The following BNC2 variants were observed in gnomAD, a reference collection of about 807,000 sequenced individuals.
BNC2 encodes zinc finger protein basonuclin-2.
BNC2 carries 20 observed loss-of-function variants against 76.3 expected under a neutral mutation model. The ratio of observed to expected loss-of-function variants is 0.26; its 90% CI spans 0.18 to 0.38. The LOEUF is 0.38. BNC2 is among the 10% of genes least tolerant of loss of function. BNC2 has a pLI of 1.00. For synonymous variants in BNC2, 582 were observed against 514.8 expected (o/e 1.13, Z -1.77); for missense variants, 1,382 against 1,399.8 (o/e 0.99, Z 0.20).
At chr9:16,568,953 T>C (rs1269449482) in intron 4 of BNC2, among the ~76,000 whole-genome samples, 1 of 151,850 alleles carries the variant, frequency 6.6e-6, no homozygotes, top group Non-Finnish European at 1.5e-5. Context: ...TAACTGTAAC[T>C]GTCAAGGTTG....
At chr9:16,840,389 G>T (rs1367040677) in intron 1 of BNC2, among the ~76,000 whole-genome samples, 1 of 152,184 alleles carries the variant, frequency 6.6e-6, no homozygotes, top group African/African-American at 2.4e-5. Flanking sequence ...TATCCACGCA[G>T]TTAATGAATG....
intron 3 of BNC2, among the ~76,000 whole-genome samples, chr9:16,653,570 G>A (rs1211523478): frequency 6.6e-6 from 1 of 152,068 alleles, no homozygotes; most frequent in Non-Finnish European, 1.5e-5. Context: ...CTGGGGGCCT[G>A]GCGGGGGAAG....
intron 5 of BNC2, among the ~76,000 whole-genome samples, chr9:16,511,767 G>A (rs1822762573): frequency 6.6e-6 from 1 of 152,036 alleles, no homozygotes; most frequent in Non-Finnish European, 1.5e-5. Flanking sequence ...AGGGGCAGAA[G>A]AATAAAGACC....
intron 1 of BNC2, among the ~76,000 whole-genome samples, chr9:16,821,706 G>A (rs200174954): frequency 1.6e-4 from 25 of 151,932 alleles, no homozygotes; most frequent in Non-Finnish European, 3.1e-4. Flanking sequence ...CCAGCACTTT[G>A]GGGAGGCTGA....
At chr9:16,622,914 C>T (rs1051722874) in intron 3 of BNC2, among the ~76,000 whole-genome samples, 2 of 152,042 alleles carry the variant, frequency 1.3e-5, no homozygotes, top group African/African-American at 2.4e-5. Context: ...TGTTAAAAAA[C>T]GATGAACAAC....
intron 3 of BNC2, among the ~76,000 whole-genome samples, chr9:16,713,117 T>C (rs1823897473): frequency 6.6e-6 from 1 of 152,222 alleles, no homozygotes; most frequent in African/African-American, 2.4e-5. Context: ...TAGGACAGCA[T>C]TAGCAATTTT....
chr9:16,521,041 C>T (rs1817601807), intron 5 of BNC2, among the ~76,000 whole-genome samples: 1 of 152,074 alleles, frequency 6.6e-6, no homozygotes, highest in African/African-American at 2.4e-5. Flanking sequence ...CATCCCCACA[C>T]CATGGAGCAA....
At chr9:16,483,280 C>CA (rs1822097352) in intron 5 of BNC2, among the ~76,000 whole-genome samples, 1 of 152,238 alleles carries the variant, frequency 6.6e-6, no homozygotes, top group East Asian at 1.9e-4. Flanking sequence ...CTGATACAAG[C>CA]AACTGACCAT....
At chr9:16,824,039 G>C (rs1233560803) in intron 1 of BNC2, among the ~76,000 whole-genome samples, 1 of 152,216 alleles carries the variant, frequency 6.6e-6, no homozygotes, top group Non-Finnish European at 1.5e-5. Flanking sequence ...TTAATCAGTA[G>C]TGAGAATCTA....
At chr9:16,510,265 C>A (rs934656899) in intron 5 of BNC2, among the ~76,000 whole-genome samples, 1 of 152,216 alleles carries the variant, frequency 6.6e-6, no homozygotes, top group Admixed American at 6.5e-5. Flanking sequence ...ACTGGGTGGA[C>A]AGCCTCCTGC....
chr9:16,706,204 C>CT (rs1823668497), intron 3 of BNC2, among the ~76,000 whole-genome samples: 1 of 152,214 alleles, frequency 6.6e-6, no homozygotes. Flanking sequence ...CCCCTTTCTT[C>CT]TTCTACCACT....
chr9:16,690,249 T>A (rs1823116360), intron 3 of BNC2, among the ~76,000 whole-genome samples: 1 of 152,028 alleles, frequency 6.6e-6, no homozygotes, highest in African/African-American at 2.4e-5. Flanking sequence ...ATCCTAGCAC[T>A]TAGGGAGGTC....
chr9:16,514,065 A>G (rs891026322), intron 5 of BNC2, among the ~76,000 whole-genome samples: 2 of 152,184 alleles, frequency 1.3e-5, no homozygotes, highest in African/African-American at 4.8e-5. Flanking sequence ...TTCTTCTCTG[A>G]GATGGCAGGA....
At chr9:16,613,758 A>G (rs538923470) in intron 3 of BNC2, among the ~76,000 whole-genome samples, 8 of 152,216 alleles carry the variant, frequency 5.3e-5, no homozygotes, top group South Asian at 2.1e-4. Flanking sequence ...CCAGGACAGC[A>G]GACTATGACA....
chr9:16,779,114 T>TA lies in BNC2; in HGVS notation c.4-40630dup, dbSNP rs143267899. 5.2e-3 allele frequency among the ~76,000 whole-genome samples: 442 copies of TA among 85,514 alleles called. 3 individuals carry two copies. Among genetic ancestry groups the TA allele is most frequent in the Admixed American group, 0.021 (141 of 6,686 alleles). 56.1% of individuals were successfully genotyped at this position (85,514 alleles called of 152,430 possible). On this transcript the variant is annotated intron_variant, in intron 1 of 6. Coordinates refer to ENST00000380672, the MANE Select transcript of BNC2 (RefSeq NM_017637.6). Reference sequence around the variant, plus strand: ...GGTTACTCCATCTCTACAAAAATTGTAAAAAAAAAAAAAAAAAAAAGAAAA... The same window carrying TA: ...GGTTACTCCATCTCTACAAAAATTGTAAAAAAAAAAAAAAAAAAAAAGAAAA...
intron 2 of BNC2, among the ~76,000 whole-genome samples, chr9:16,732,164 A>AAAAAAAAAAAGAG (rs1270166205): frequency 3.3e-5 from 5 of 150,898 alleles, no homozygotes; most frequent in Admixed American, 6.6e-5. Context: ...CTGCAAAAAA[A>AAAAAAAAAAAGAG]AAAGAAAAAG....
intron 3 of BNC2, among the ~76,000 whole-genome samples, chr9:16,644,710 A>G (rs886411306): frequency 1.3e-5 from 2 of 152,242 alleles, no homozygotes; most frequent in East Asian, 1.9e-4. Context: ...CAAGAGAGAA[A>G]CAGAAAGACA....
intron 3 of BNC2, among the ~76,000 whole-genome samples, chr9:16,596,231 T>C (rs1227123805): frequency 6.6e-6 from 1 of 152,052 alleles, no homozygotes; most frequent in African/African-American, 2.4e-5. Flanking sequence ...GAAATAAAAA[T>C]TAAACATCTT....
intron 5 of BNC2, among the ~76,000 whole-genome samples, chr9:16,457,304 G>C (rs1031530337): frequency 6.6e-6 from 1 of 151,986 alleles, no homozygotes; most frequent in African/African-American, 2.4e-5. Flanking sequence ...AGTTAGTTTT[G>C]GGGGGACTAA....
Sources: gnomAD v4.1 joint callset for allele counts (sites outside exome capture counted in the v4.1 genomes callset) on GRCh38, gnomAD v4.1.1 for gene constraint, MANE v1.5 for transcripts, NCBI Gene and HGNC (gene_info 2026-07-23, HGNC 2026-07-21) for gene names.